Variants in MAPRE3 observed in about 807,000 individuals in gnomAD.
MAPRE3 encodes microtubule associated protein RP/EB family member 3, also known as microtubule-associated protein RP/EB family member 3.
A neutral mutation model predicts 30.5 loss-of-function variants in MAPRE3; 2 were observed. That is an observed-to-expected ratio of 0.07 (90% CI 0.03 to 0.21). MAPRE3 has a LOEUF of 0.21. Among genes scored for constraint, MAPRE3 ranks in the 10% least tolerant of loss-of-function variants. The pLI is 1.00. For synonymous variants in MAPRE3, 110 were observed against 127.7 expected, an observed-to-expected ratio of 0.86 and a Z score of 0.93; for missense variants, 204 against 351.8, an observed-to-expected ratio of 0.58 and a Z score of 3.36.
intron 1 of MAPRE3, among the ~76,000 whole-genome samples, chr2:26,975,338 G>A (rs968479807): frequency 6.6e-6 from 1 of 152,194 alleles, no homozygotes; most frequent in Non-Finnish European, 1.5e-5. Flanking sequence ...GATCCAGGGG[G>A]CAAGGGAAAG....
intron 1 of MAPRE3, among the ~76,000 whole-genome samples, chr2:27,019,442 T>G (rs12614127): frequency 1.1e-4 from 16 of 151,132 alleles, no homozygotes; most frequent in African/African-American, 3.9e-4. Context: ...GGAGAGGACA[T>G]GAGGCATCAC....
intron 1 of MAPRE3, among the ~76,000 whole-genome samples, chr2:26,988,346 C>A (rs1028132653): frequency 1.3e-5 from 2 of 152,136 alleles, no homozygotes; most frequent in Non-Finnish European, 2.9e-5. Context: ...ATCAGAGCAT[C>A]AAGAACACTG....
chr2:27,022,158 TA>T, intron 1 of MAPRE3, 53 bp from the exon 2 acceptor site: 2 of 1,594,678 alleles, frequency 1.3e-6, no homozygotes, highest in Non-Finnish European at 8.5e-7. Context: ...TCTTGACAGC[TA>T]AGGAGCTACA....
intron 1 of MAPRE3, among the ~76,000 whole-genome samples, chr2:27,004,812 A>G (rs1389942636): frequency 6.6e-6 from 1 of 151,634 alleles, no homozygotes; most frequent in African/African-American, 2.4e-5. Flanking sequence ...CTTTAGTAGA[A>G]GGCATGAATG....
chr2:26,990,989 C>T (rs904800815), intron 1 of MAPRE3, among the ~76,000 whole-genome samples: 2 of 152,220 alleles, frequency 1.3e-5, no homozygotes, highest in Non-Finnish European at 2.9e-5. Flanking sequence ...CGGGCAGTCT[C>T]ATGCCTGTAA....
chr2:27,023,216 T>C, intron 2 of MAPRE3, 116 bp from the exon 3 acceptor site: 1 of 1,128,234 alleles, frequency 8.9e-7, no homozygotes, highest in South Asian at 1.6e-5. Flanking sequence ...AAAGTAGGAC[T>C]GGTCCCTGGC....
Position 27,024,262 on chromosome 2 carries a change from T to C in MAPRE3, c.434T>C (p.Ile145Thr). 2 of 1,614,118 alleles carry C rather than the reference T, an allele frequency of 1.2e-6. No homozygotes were observed. Among genetic ancestry groups the C allele is most frequent in the Non-Finnish European group, 8.5e-7 (1 of 1,179,964 alleles). The change falls in exon 4 of 7, where the codon ATC becomes ACC. Residue 145 changes from isoleucine to threonine, a missense_variant. Physicochemically the swap from Ile to Thr is moderately conservative, Grantham distance 89. Coordinates refer to ENST00000233121, the MANE Select transcript of MAPRE3 (RefSeq NM_012326.4). ...CCACCTCCTAACCCAGGTGATCAGA[T>C]CTTCAACAAATCCAAGAAACTCATT... ...VAPPPNPGDQIFNKSKKLIGT... is the reference protein window; with the variant it reads ...VAPPPNPGDQTFNKSKKLIGT...
intron 1 of MAPRE3, among the ~76,000 whole-genome samples, chr2:26,998,256 AC>A (rs1414410951): frequency 6.6e-6 from 1 of 151,960 alleles, no homozygotes; most frequent in African/African-American, 2.4e-5. Flanking sequence ...CTCTAAGCTA[AC>A]CCCTTAGTTT....
At position 26,986,880 on chromosome 2, in the gene MAPRE3, G is replaced by T; in HGVS notation, c.-8+16078G>T. On this transcript the variant is annotated intron_variant, in intron 1 of 6. Transcript: ENST00000233121. This position sits in a 1 kb window ranked among gnomAD's most constrained non-coding sequence, Gnocchi z 4.2. The stretch of plus-strand genomic sequence containing the variant: ...GTGAGAGGGCTGTGGGAGATGCTAT[G>T]GAAGATGGAAATGGTGCTTGTGGAG... 6.6e-6 allele frequency: 1 copy of T among 152,552 alleles called. No individual in the cohort carries two copies. The allele number at this position is 152,552 out of a possible 1,614,324, so 9.4% of individuals were successfully genotyped here.
At chr2:26,981,715 C>A (rs1023418655) in intron 1 of MAPRE3, among the ~76,000 whole-genome samples, 43 of 152,104 alleles carry the variant, frequency 2.8e-4, no homozygotes, top group Non-Finnish European at 4.3e-4. Context: ...AGGTGCTGGG[C>A]CTCTAAGGAG....
At chr2:26,983,662 G>A (rs1666162303) in intron 1 of MAPRE3, among the ~76,000 whole-genome samples, 1 of 152,164 alleles carries the variant, frequency 6.6e-6, no homozygotes, top group Admixed American at 6.5e-5. Flanking sequence ...GCTGTTCTGT[G>A]GAAATTATGT....
intron 1 of MAPRE3, among the ~76,000 whole-genome samples, chr2:26,983,483 T>C (rs1034607472): frequency 1.3e-5 from 2 of 152,276 alleles, no homozygotes; most frequent in Middle Eastern, 3.4e-3. Flanking sequence ...TGTCCCAGGA[T>C]GTGTTAGGAG....
chr2:27,011,555 G>A (rs1348986676), intron 1 of MAPRE3, among the ~76,000 whole-genome samples: 1 of 152,068 alleles, frequency 6.6e-6, no homozygotes, highest in Non-Finnish European at 1.5e-5. Context: ...CGAGATTAAG[G>A]CAATGCTAGG....
intron 1 of MAPRE3, among the ~76,000 whole-genome samples, chr2:27,018,909 T>C (rs1189257646): frequency 1.3e-5 from 2 of 151,350 alleles, no homozygotes; most frequent in Non-Finnish European, 2.9e-5. Flanking sequence ...ATTTATTTAT[T>C]TATTTATTTA....
chr2:26,971,329 G>C (rs144424643), intron 1 of MAPRE3, among the ~76,000 whole-genome samples: 2 of 152,260 alleles, frequency 1.3e-5, no homozygotes, highest in Admixed American at 1.3e-4. Context: ...TGCCTGGCTG[G>C]TTTGGGGAAG....
At chr2:27,016,132 G>A (rs955940050) in intron 1 of MAPRE3, among the ~76,000 whole-genome samples, 2 of 152,164 alleles carry the variant, frequency 1.3e-5, no homozygotes, top group African/African-American at 4.8e-5. Flanking sequence ...CACGTTGTCG[G>A]TCTGATCCTC....
intron 1 of MAPRE3, among the ~76,000 whole-genome samples, chr2:27,005,041 TAAC>T (rs1484605376): frequency 2.6e-5 from 4 of 152,186 alleles, no homozygotes; most frequent in Non-Finnish European, 5.9e-5. Context: ...TTTAAAATAA[TAAC>T]AATGTTGGTG....
intron 1 of MAPRE3, among the ~76,000 whole-genome samples, chr2:26,993,702 G>T (rs1666397547): frequency 6.6e-6 from 1 of 152,162 alleles, no homozygotes; most frequent in South Asian, 2.1e-4. Context: ...CCATGAGATT[G>T]CCAGGTTGAA....
intron 1 of MAPRE3, among the ~76,000 whole-genome samples, chr2:26,998,376 T>A (rs529010381): frequency 8.3e-4 from 127 of 152,320 alleles, no homozygotes; most frequent in African/African-American, 2.8e-3. Flanking sequence ...AAAAGTTTGC[T>A]GCACAGAACT....
Sources: gnomAD v4.1 joint callset for allele counts (sites outside exome capture counted in the v4.1 genomes callset) on GRCh38, gnomAD v4.1.1 for gene constraint, Gnocchi (gnomAD v3.1) non-coding constraint, MANE v1.5 for transcripts, NCBI Gene and HGNC (gene_info 2026-07-23, HGNC 2026-07-21) for gene names.